The following COL4A1 variants were observed in gnomAD, a reference collection of about 807,000 sequenced individuals.
COL4A1 encodes the protein collagen alpha-1(IV) chain.
Under a neutral mutation model 216.6 loss-of-function variants are expected in COL4A1, and 40 were observed. The ratio of observed to expected loss-of-function variants is 0.18; its 90% CI spans 0.14 to 0.24. The LOEUF is 0.24. Ranked by LOEUF, COL4A1 falls within the 10% of genes least tolerant of loss-of-function variation. COL4A1 has a pLI of 1.00. For synonymous variants in COL4A1, 839 were observed against 810.7 expected (o/e 1.03, Z -0.59); for missense variants, 1,628 against 2,196.8 (o/e 0.74, Z 5.18).
intron 1 of COL4A1, among the ~76,000 whole-genome samples, chr13:110,299,145 G>A (rs1884395467): frequency 6.6e-6 from 1 of 152,208 alleles, no homozygotes; most frequent in African/African-American, 2.4e-5. Flanking sequence ...TTACACGCAG[G>A]GGTTCAGCCT....
At chr13:110,174,097 T>C in intron 39 of COL4A1, 99 bp from the exon 40 acceptor site, 1 of 1,310,662 alleles carries the variant, frequency 7.6e-7, no homozygotes, top group Non-Finnish European at 1.1e-6. Flanking sequence ...AAGGGAGCTG[T>C]TCCCTCCCAA....
intron 29 of COL4A1, among the ~76,000 whole-genome samples, chr13:110,179,692 C>G (rs1878061739): frequency 6.6e-6 from 1 of 152,148 alleles, no homozygotes; most frequent in Admixed American, 6.5e-5. Context: ...ACATTTTTCT[C>G]AAGTCTTCTG....
At chr13:110,201,326 GGAA>G (rs1338186255) in intron 19 of COL4A1, 109 bp downstream of exon 19, 12 of 718,118 alleles carry the variant, frequency 1.7e-5, no homozygotes, top group Non-Finnish European at 2.8e-5. Context: ...AGGGGGAGGA[GGAA>G]GGAGGAGGAG....
In COL4A1 at chr13:110,241,676, A is replaced by C. The variant is rs563836990; in HGVS notation, c.144+999T>G. Among the ~76,000 whole-genome samples, 7 of 152,312 alleles carry C rather than the reference A, an allele frequency of 4.6e-5. No individual in the cohort carries two copies. The South Asian group carries it at 1.0e-3, about 23-fold the overall frequency. Reference sequence around the variant, plus strand: ...TTCATTCAAAAACTATCCAGGTAACACTAGTGCCATCACCTATCAGGCATA... The same window carrying C: ...TTCATTCAAAAACTATCCAGGTAACCCTAGTGCCATCACCTATCAGGCATA... On this transcript the variant is annotated intron_variant, in intron 2 of 51. Coordinates refer to ENST00000375820, the MANE Select transcript of COL4A1 (RefSeq NM_001845.6).
At chr13:110,295,422 C>CTTT (rs5806848) in intron 1 of COL4A1, among the ~76,000 whole-genome samples, 8 of 88,210 alleles carry the variant, frequency 9.1e-5, no homozygotes, top group South Asian at 4.1e-4. Context: ...AGTTCACTTC[C>CTTT]TTTTTTTTTT....
At chr13:110,299,621 T>C (rs547208250) in intron 1 of COL4A1, among the ~76,000 whole-genome samples, 3 of 152,336 alleles carry the variant, frequency 2.0e-5, no homozygotes, top group South Asian at 4.1e-4. Context: ...CTGCAGGGCC[T>C]GTGACTGGTG....
intron 1 of COL4A1, among the ~76,000 whole-genome samples, chr13:110,269,521 T>C (rs1223248650): frequency 2.0e-5 from 3 of 152,152 alleles, no homozygotes; most frequent in African/African-American, 7.2e-5. Flanking sequence ...GTATTTATGA[T>C]GATCAGTGTC....
At chr13:110,163,442 G>A (rs370943043) in intron 47 of COL4A1, 21 bp downstream of exon 47, 63 of 1,609,214 alleles carry the variant, frequency 3.9e-5, no homozygotes, top group Non-Finnish European at 4.8e-5. Flanking sequence ...GGGTAATTAC[G>A]TTGGAAGTTT....
At chr13:110,184,495 G>C (rs1393051444) in intron 26 of COL4A1, among the ~76,000 whole-genome samples, 2 of 152,164 alleles carry the variant, frequency 1.3e-5, no homozygotes, top group Non-Finnish European at 2.9e-5. Context: ...AGTCATAAAA[G>C]AGACATTTCT....
rs1880359664 is a variant in COL4A1, at chr13:110,219,866, G to GTATATA, written c.145-5852_145-5851insTATATA. On this transcript the variant is annotated intron_variant, in intron 2 of 51. Coordinates refer to ENST00000375820, the MANE Select transcript of COL4A1 (RefSeq NM_001845.6). ...TATGTGTATATATATGTATATATGT[G>GTATATA]TGTGTATATATGTATATATATGTGT... Among the ~76,000 whole-genome samples the GTATATA allele has an allele frequency of 6.0e-5, 4 of 66,620 alleles. 1 individual carries two copies. Among genetic ancestry groups the GTATATA allele is most frequent in the Admixed American group, 4.8e-4 (3 of 6,244 alleles). The allele number at this position is 66,620 out of a possible 152,430, so 43.7% of individuals were successfully genotyped here.
chr13:110,152,804 TAG>T (rs1319282189), intron 50 of COL4A1, among the ~76,000 whole-genome samples: 1 of 152,348 alleles, frequency 6.6e-6, no homozygotes, highest in South Asian at 2.1e-4. Flanking sequence ...CACTGTGTAT[TAG>T]ATTTGAAACA....
At chr13:110,218,214 G>GCCCTGTGACA (rs5806842) in intron 2 of COL4A1, among the ~76,000 whole-genome samples, 5 of 152,062 alleles carry the variant, frequency 3.3e-5, no homozygotes, top group African/African-American at 7.3e-5. Context: ...ACTGTCAAAG[G>GCCCTGTGACA]CCTGTTTCAG....
chr13:110,213,278 C>A (rs190931384), intron 4 of COL4A1, among the ~76,000 whole-genome samples: 4 of 150,442 alleles, frequency 2.7e-5, no homozygotes, highest in South Asian at 2.1e-4. Context: ...TAAAAAAAAA[C>A]AAAAAAATAA....
chr13:110,231,034 A>T (rs1881034966), intron 2 of COL4A1, among the ~76,000 whole-genome samples: 1 of 152,234 alleles, frequency 6.6e-6, no homozygotes, highest in African/African-American at 2.4e-5. Context: ...TTGCATCCAT[A>T]AAACTCCAAG....
chr13:110,149,050 T>C lies in COL4A1; in HGVS notation c.*1313A>G, dbSNP rs1876385971. ...TGTGGCAATACTAGCAACAAATTAA[T>C]AAAAGCTTAATTTTTATACAAATAG... On this transcript the variant is annotated 3_prime_UTR_variant, in exon 52 of 52. Coordinates refer to ENST00000375820, the MANE Select transcript of COL4A1 (RefSeq NM_001845.6). The C allele has an allele frequency of 6.5e-6, 1 of 153,202 alleles. No individual in the cohort carries two copies. Among genetic ancestry groups the C allele is most frequent in the Non-Finnish European group, 1.5e-5 (1 of 68,206 alleles). 9.5% of individuals were successfully genotyped at this position (153,202 alleles called of 1,614,324 possible). A position where few individuals can be genotyped will look rare whatever the true frequency, so the allele number is the denominator to read the frequency against.
At chr13:110,274,078 A>G (rs1485151855) in intron 1 of COL4A1, among the ~76,000 whole-genome samples, 1 of 152,234 alleles carries the variant, frequency 6.6e-6, no homozygotes, top group Non-Finnish European at 1.5e-5. Context: ...TATTTATTAA[A>G]TGCCTATAAA....
rs1878438357 is a variant in COL4A1, at chr13:110,187,142, G to A, written c.1724C>T (p.Ser575Leu). The A allele has an allele frequency of 3.7e-6, 6 of 1,613,932 alleles. No individual in the cohort carries two copies. The highest frequency in any genetic ancestry group is 1.3e-5 in the African/African-American group (1 of 75,026). The change falls in exon 25 of 52, where the codon TCG becomes TTG. Residue 575 changes from serine (S) to leucine (L), a missense_variant. Ser to Leu is a moderately radical substitution (Grantham distance 145, BLOSUM62 -2). Transcript: ENST00000375820. ...AAAGTCTGGAGATAAACATACCGGC[G>A]AGCCCTTGGGGCCAGGAAGACCCGG... ...GHPGLPGPKG[S>L]PGSVGLKGER... is the part of the protein sequence containing the mutation.
intron 1 of COL4A1, among the ~76,000 whole-genome samples, chr13:110,289,828 G>A (rs965409556): frequency 4.6e-5 from 7 of 152,102 alleles, no homozygotes; most frequent in East Asian, 1.9e-4. Flanking sequence ...TGGCTGGCAC[G>A]GACCACCGCT....
intron 46 of COL4A1, among the ~76,000 whole-genome samples, chr13:110,164,084 G>C (rs1195104986): frequency 2.0e-5 from 3 of 150,386 alleles, no homozygotes; most frequent in Admixed American, 1.3e-4. Flanking sequence ...GACCTCCCGG[G>C]CTCAAGCGAT....
Sources: allele counts gnomAD v4.1 joint callset (sites outside exome capture counted in the v4.1 genomes callset), GRCh38; gene constraint gnomAD v4.1.1; transcripts MANE v1.5; gene names NCBI Gene and HGNC (gene_info 2026-07-23, HGNC 2026-07-21).